DHX8: variants seen among roughly 807,000 people sequenced by gnomAD.
DHX8 encodes the protein DEAH-box helicase 8, also known as ATP-dependent RNA helicase DHX8.
Under a neutral mutation model 140.7 loss-of-function variants are expected in DHX8, and 67 were observed. The observed-to-expected ratio is 0.48, with a 90% CI of 0.39 to 0.58. The LOEUF is 0.58. DHX8 is among the 20% of genes least tolerant of loss of function. DHX8 has a pLI of 0.00. For missense variants in DHX8, 887 were observed against 1,550.7 expected, an observed-to-expected ratio of 0.57 and a Z score of 7.19; for synonymous variants, 533 against 553.2, an observed-to-expected ratio of 0.96 and a Z score of 0.51.
chr17:43,532,651 C>T, intron 2 of DHX8: 1 of 1,599,554 alleles, frequency 6.3e-7, no homozygotes. Context: ...CACATGCCAC[C>T]CTGCCCCACC....
downstream of DHX8, chr17:43,526,439 T>G (rs1970620620): frequency 6.5e-7 from 1 of 1,533,418 alleles, no homozygotes; most frequent in South Asian, 1.2e-5. Flanking sequence ...GGCTCCTCGG[T>G]CCAGGTTTAC....
chr17:43,507,084 G>A lies in DHX8; in HGVS notation c.1810G>A (p.Glu604Lys), dbSNP rs761297212. ...KTTQITQYLA[E>K]AGYTSRGKIG... ...AACACAGATCACCCAGTACCTGGCG[G>A]AGGCAGGCTACACTTCCAGGGGCAA... is the stretch of plus-strand genomic sequence containing the variant. The change falls in exon 13 of 23, where the codon GAG becomes AAG. Residue 604 changes from glutamate (E) to lysine (K), a missense_variant. Glu to Lys is a moderately conservative substitution (Grantham distance 56, BLOSUM62 1). Coordinates refer to ENST00000262415, the MANE Select transcript of DHX8 (RefSeq NM_004941.3). The A allele has an allele frequency of 1.2e-6, 2 of 1,614,050 alleles. No individual in the cohort carries two copies. The highest frequency in any genetic ancestry group is 1.7e-6 in the Non-Finnish European group (2 of 1,180,014).
chr17:43,541,362 G>GTTAAC (rs1412262503), intron 3 of DHX8, among the ~76,000 whole-genome samples: 2 of 152,230 alleles, frequency 1.3e-5, no homozygotes, highest in African/African-American at 4.8e-5. Flanking sequence ...GCTGAGTCTT[G>GTTAAC]GCTGCCAAGC....
chr17:43,520,098 C>T (rs1309794555), intron 18 of DHX8, 32 bp from the exon 19 acceptor site: 2 of 1,613,536 alleles, frequency 1.2e-6, no homozygotes, highest in South Asian at 1.1e-5. Context: ...GACTGACCCT[C>T]TTATCACATG....
At chr17:43,513,060 G>A (rs961363260) in intron 16 of DHX8, among the ~76,000 whole-genome samples, 2 of 152,178 alleles carry the variant, frequency 1.3e-5, no homozygotes, top group Admixed American at 1.3e-4. Flanking sequence ...AATCAACATT[G>A]GATCTAGAAA....
intron 2 of DHX8, chr17:43,536,293 G>A: frequency 1.3e-6 from 1 of 781,680 alleles, no homozygotes; most frequent in East Asian, 2.5e-5. Flanking sequence ...TCCAGTTATT[G>A]CCTTGGTCTT....
chr17:43,525,056 A>G lies in DHX8; in HGVS notation c.*1209A>G. 4.1e-6 allele frequency: 4 copies of G among 985,172 alleles called. No homozygotes were observed. Among genetic ancestry groups the G allele is most frequent in the Non-Finnish European group, 4.8e-6 (4 of 829,958 alleles). 61.0% of individuals were successfully genotyped at this position (985,172 alleles called of 1,614,324 possible). On this transcript the variant is annotated 3_prime_UTR_variant, in exon 23 of 23. Coordinates refer to ENST00000262415, the MANE Select transcript of DHX8 (RefSeq NM_004941.3). Reference sequence around the variant, plus strand: ...CAATCCTCCTGCCTCTGCCTCCCAAAGCGCTGGGATTACAGTTGAGAGCCA... The same window carrying G: ...CAATCCTCCTGCCTCTGCCTCCCAAGGCGCTGGGATTACAGTTGAGAGCCA...
chr17:43,509,978 A>AT (rs1438191167), intron 16 of DHX8, among the ~76,000 whole-genome samples: 5 of 148,804 alleles, frequency 3.4e-5, no homozygotes, highest in Admixed American at 1.3e-4. Flanking sequence ...CAATTTTTGT[A>AT]TTTTTTTTGT....
At chr17:43,499,399 A>G (rs1049415099) in intron 10 of DHX8, among the ~76,000 whole-genome samples, 1 of 152,190 alleles carries the variant, frequency 6.6e-6, no homozygotes, top group Non-Finnish European at 1.5e-5. Flanking sequence ...TTAGGTATGG[A>G]AAAGGGTATA....
In DHX8 at chr17:43,500,114, T is replaced by TG. The variant is rs747569480; in HGVS notation, c.1546+13dup. On this transcript the variant is annotated intron_variant, in intron 11 of 22. Transcript: ENST00000262415. Reference sequence around the variant, plus strand: ...ACCCTCTGCCTGATGGTAGGACCCTTGGAGGGGTGTATGGACCTTGTTTAA... The same window carrying TG: ...ACCCTCTGCCTGATGGTAGGACCCTTGGGAGGGGTGTATGGACCTTGTTTAA... 1.2e-6 allele frequency: 2 copies of TG among 1,613,504 alleles called. No homozygotes were observed. Among genetic ancestry groups the TG allele is most frequent in the South Asian group, 2.2e-5 (2 of 91,034 alleles).
downstream of DHX8, chr17:43,528,512 C>G: frequency 6.3e-7 from 1 of 1,590,162 alleles, no homozygotes; most frequent in Non-Finnish European, 8.6e-7. Context: ...GGAACAGCCG[C>G]TGGGGGCTAG....
rs200639945 is a variant in DHX8 at position 43,493,036 on chromosome 17, C to G, written c.859C>G (p.Leu287Val). ...QFGCFVQLEG[L>V]RKRWEGLVHI... ...TGGTTGCTTTGTGCAGCTGGAAGGA[C>G]TAAGGTAATGACTGGTGCTCTTTTG... Residue 287 changes from leucine (L) to valine (V), a missense_variant, in exon 6 of 23, where the codon CTA (leucine) becomes GTA (valine). Leu to Val is a conservative substitution (Grantham distance 32). Around this residue, in one of 9 missense-constraint regions of DHX8, gnomAD observed 98 missense variants for 152.7 expected, o/e 0.64. Coordinates refer to ENST00000262415, the MANE Select transcript of DHX8 (RefSeq NM_004941.3). The G allele has an allele frequency of 1.2e-4, 198 of 1,612,380 alleles. No homozygotes were observed. Among genetic ancestry groups the G allele is most frequent in the Admixed American group, 6.7e-5 (4 of 59,986 alleles).
At chr17:43,526,812 C>T (rs1347127097), downstream of DHX8, 1 of 804,066 alleles carries the variant, frequency 1.2e-6, no homozygotes. Flanking sequence ...AATTTTGTTT[C>T]TTGCACTAAA....
In DHX8 at chr17:43,492,944, G is replaced by C. The variant is rs749482546; in HGVS notation, c.767G>C (p.Arg256Pro). The C allele has an allele frequency of 3.1e-6, 5 of 1,614,148 alleles. No individual in the cohort carries two copies. The East Asian group carries it at 8.9e-5, about 29-fold the overall frequency. Residue 256 changes from arginine (R) to proline (P), a missense_variant, in exon 6 of 23, where the codon CGC becomes CCC. By Grantham distance (103) the Arg-to-Pro change is moderately radical (BLOSUM62 -2). Around this residue, in one of 9 missense-constraint regions of DHX8, gnomAD observed 304 missense variants for 306.9 expected, o/e 0.99. Transcript: ENST00000262415. The part of the protein sequence containing the change: ...LDRWRDKHVD[R>P]PPPEEPTIGD... ...AGATGGCGGGATAAGCATGTGGACC[G>C]CCCTCCTCCAGAAGAGCCCACCATT... is the stretch of plus-strand genomic sequence containing the variant.
At chr17:43,542,797 G>A (rs1391989226) in intron 3 of DHX8, among the ~76,000 whole-genome samples, 4 of 152,018 alleles carry the variant, frequency 2.6e-5, no homozygotes, top group African/African-American at 4.8e-5. Flanking sequence ...ACACTACCAG[G>A]ACCCCCCTGC....
At chr17:43,494,277 G>A (rs952289277) in intron 8 of DHX8, among the ~76,000 whole-genome samples, 6 of 152,162 alleles carry the variant, frequency 3.9e-5, no homozygotes, top group African/African-American at 4.8e-5. Flanking sequence ...TCCCACACAC[G>A]TGGAAATTCA....
At chr17:43,487,278 G>A (rs1968221948) in intron 1 of DHX8, among the ~76,000 whole-genome samples, 1 of 152,206 alleles carries the variant, frequency 6.6e-6, no homozygotes, top group Admixed American at 6.5e-5. Context: ...GTAGCCTGAT[G>A]GCATTTGGCT....
At chr17:43,491,597 T>G (rs1398240234) in intron 4 of DHX8, among the ~76,000 whole-genome samples, 1 of 152,190 alleles carries the variant, frequency 6.6e-6, no homozygotes, top group Non-Finnish European at 1.5e-5. Flanking sequence ...AAATTTCATT[T>G]TAATAAATAT....
Position 43,493,890 on chromosome 17 carries a change from G to A in DHX8, c.1212+4G>A, listed in dbSNP as rs1035940039. 1 of 1,614,182 alleles carries A rather than the reference G, an allele frequency of 6.2e-7. No homozygotes were observed. Among genetic ancestry groups the A allele is most frequent in the Non-Finnish European group, 8.5e-7 (1 of 1,180,016 alleles). ...AGAGAAGTGGGAGATCAAACAGGTTGGGGCCTTTAGTTTTCATGACCAGAT... is the reference window on the plus strand; with the variant it reads ...AGAGAAGTGGGAGATCAAACAGGTTAGGGCCTTTAGTTTTCATGACCAGAT... On this transcript the variant is annotated splice_donor_region_variant and intron_variant, in intron 8 of 22. Transcript: ENST00000262415.
Sources: gnomAD v4.1 joint callset for allele counts (sites outside exome capture counted in the v4.1 genomes callset) on GRCh38, gnomAD v4.1.1 for gene constraint, gnomAD v4.1.1 regional missense constraint, MANE v1.5 for transcripts, NCBI Gene and HGNC (gene_info 2026-07-23, HGNC 2026-07-21) for gene names.